The following XYLT1 variants were observed in gnomAD, a reference collection of about 807,000 sequenced individuals.
The protein encoded by XYLT1 is xylosyltransferase 1.
In XYLT1, 36 loss-of-function variants were observed where a neutral mutation model predicts 91.3. The observed-to-expected ratio is 0.39, with a 90% CI of 0.30 to 0.52. The LOEUF (loss-of-function observed/expected upper bound fraction) is 0.52. XYLT1 is among the 20% of genes least tolerant of loss of function. The probability of loss-of-function intolerance (pLI) is 0.68; values close to 1 mark genes in which losing one functional copy is unlikely to be tolerated. For missense variants in XYLT1, 1,242 were observed against 1,284.5 expected (o/e 0.97, Z 0.51); for synonymous variants, 588 against 532.0 (o/e 1.11, Z -1.45).
intron 1 of XYLT1, among the ~76,000 whole-genome samples, chr16:17,363,414 G>C (rs2035409150): frequency 6.6e-6 from 1 of 152,182 alleles, no homozygotes; most frequent in Admixed American, 6.5e-5. Flanking sequence ...CAAGGTCAAG[G>C]TGTCTGCAGG....
At chr16:17,167,845 C>T (rs1054345212) in intron 5 of XYLT1, among the ~76,000 whole-genome samples, 5 of 152,150 alleles carry the variant, frequency 3.3e-5, no homozygotes, top group African/African-American at 7.2e-5. Context: ...CCTTCCATCT[C>T]GTGCATGGAT....
At chr16:17,228,217 G>C (rs1379973891) in intron 3 of XYLT1, among the ~76,000 whole-genome samples, 1 of 152,206 alleles carries the variant, frequency 6.6e-6, no homozygotes, top group Non-Finnish European at 1.5e-5. Context: ...GCTCCTTCCA[G>C]TGGGATTCTT....
chr16:17,294,413 G>C (rs1482273526), intron 2 of XYLT1, among the ~76,000 whole-genome samples: 8 of 152,200 alleles, frequency 5.3e-5, no homozygotes, highest in Non-Finnish European at 2.9e-5. Context: ...AATAAGCAGA[G>C]TGCGCATAAC....
chr16:17,327,754 C>T (rs973897128), intron 2 of XYLT1, among the ~76,000 whole-genome samples: 3 of 151,868 alleles, frequency 2.0e-5, no homozygotes, highest in African/African-American at 7.3e-5. Flanking sequence ...GGCCATTATG[C>T]TTGGATTTCA....
chr16:17,304,686 C>T (rs2034446350), intron 2 of XYLT1, among the ~76,000 whole-genome samples: 1 of 151,972 alleles, frequency 6.6e-6, no homozygotes, highest in South Asian at 2.1e-4. Context: ...TCATGGGAAC[C>T]AAACAGGCTC....
At chr16:17,175,302 C>T (rs916265563) in intron 5 of XYLT1, among the ~76,000 whole-genome samples, 5 of 152,222 alleles carry the variant, frequency 3.3e-5, no homozygotes, top group Middle Eastern at 3.4e-3. Flanking sequence ...ACTTGGGCAA[C>T]GTGTCTAATA....
intron 10 of XYLT1, among the ~76,000 whole-genome samples, chr16:17,118,840 C>T (rs2029949039): frequency 6.6e-6 from 1 of 152,098 alleles, no homozygotes; most frequent in Admixed American, 6.6e-5. Flanking sequence ...TTGTTTTAGC[C>T]ACCTCAATCA....
At chr16:17,192,835 C>T (rs2032349606) in intron 5 of XYLT1, 1 of 107,510 alleles carries the variant, frequency 9.3e-6, no homozygotes. Flanking sequence ...TTTTTTTAGA[C>T]AGCGTCTCAG....
intron 6 of XYLT1, among the ~76,000 whole-genome samples, chr16:17,143,835 TCG>T (rs1379757468): frequency 4.9e-5 from 4 of 81,106 alleles, no homozygotes; most frequent in African/African-American, 2.0e-4. Context: ...ATCACCACCA[TCG>T]TCATCATCAC....
chr16:17,203,655 G>T (rs1252008864), intron 3 of XYLT1, among the ~76,000 whole-genome samples: 1 of 151,662 alleles, frequency 6.6e-6, no homozygotes, highest in African/African-American at 2.4e-5. Context: ...TTCATCCATT[G>T]CTCCACCCAT....
At chr16:17,372,475 A>G (rs2141875751) in intron 1 of XYLT1, among the ~76,000 whole-genome samples, 1 of 152,350 alleles carries the variant, frequency 6.6e-6, no homozygotes, top group African/African-American at 2.4e-5. Context: ...AATGGCAGAC[A>G]GAATACATTA....
intron 2 of XYLT1, among the ~76,000 whole-genome samples, chr16:17,307,093 T>C (rs892487572): frequency 6.6e-6 from 1 of 152,138 alleles, no homozygotes; most frequent in Non-Finnish European, 1.5e-5. Flanking sequence ...TTGTTGTTGT[T>C]GTTGAGACGG....
chr16:17,141,926 C>T (rs1008424714), intron 6 of XYLT1, among the ~76,000 whole-genome samples: 2 of 152,150 alleles, frequency 1.3e-5, no homozygotes, highest in African/African-American at 4.8e-5. Flanking sequence ...TTTTTTGAGA[C>T]AGGGTCGTGT....
At chr16:17,315,926 G>A (rs2034623732) in intron 2 of XYLT1, among the ~76,000 whole-genome samples, 1 of 152,206 alleles carries the variant, frequency 6.6e-6, no homozygotes, top group Non-Finnish European at 1.5e-5. Flanking sequence ...CTTTGACAAA[G>A]GGCCAACGAG....
At position 17,208,210 on chromosome 16, in the gene XYLT1, T is replaced by C. The variant is rs113168757; in HGVS notation, c.914-7556A>G. Among the ~76,000 whole-genome samples, 480 of 88,352 alleles carry C rather than the reference T, an allele frequency of 5.4e-3. 3 individuals carry two copies. The highest frequency in any genetic ancestry group is 0.02 in the African/African-American group (461 of 23,404). The allele number at this position is 88,352 out of a possible 152,430, so 58.0% of individuals were successfully genotyped here. ...TATGCTGTCCAGGCTGGTCTCAAAC[T>C]CCTGGGCTCAAGCAATCCTCCCTTA... On this transcript the variant is annotated intron_variant, in intron 3 of 11. Transcript: ENST00000261381.
At position 17,108,649 on chromosome 16, in the gene XYLT1, G is replaced by T; in HGVS notation, c.*46C>A. 6.6e-7 allele frequency: 1 copy of T among 1,505,102 alleles called. No individual in the cohort carries two copies. The highest frequency in any genetic ancestry group is 1.9e-5 in the Admixed American group (1 of 51,678). The allele number at this position is 1,505,102 out of a possible 1,614,324, so 93.2% of individuals were successfully genotyped here. On this transcript the variant is annotated 3_prime_UTR_variant, in exon 12 of 12. Coordinates refer to ENST00000261381, the MANE Select transcript of XYLT1 (RefSeq NM_022166.4). ...TTCAGGCCCCACAACCCCTCTGGCT[G>T]CTTTCCCGTTGAGATCCTGCTGTGG...
chr16:17,271,668 T>C (rs1396340052), intron 2 of XYLT1, among the ~76,000 whole-genome samples: 1 of 152,150 alleles, frequency 6.6e-6, no homozygotes, highest in Non-Finnish European at 1.5e-5. Context: ...TAGACCCCAG[T>C]CATGTGCCCT....
chr16:17,179,675 TA>T (rs1330904848), intron 5 of XYLT1, among the ~76,000 whole-genome samples: 2 of 152,248 alleles, frequency 1.3e-5, no homozygotes, highest in African/African-American at 4.8e-5. Flanking sequence ...AGGCACTCAA[TA>T]AGTACTTGCC....
At chr16:17,396,219 T>A (rs1479001468) in intron 1 of XYLT1, among the ~76,000 whole-genome samples, 4 of 152,226 alleles carry the variant, frequency 2.6e-5, no homozygotes, top group African/African-American at 4.8e-5. Context: ...CAGTGACTCC[T>A]GGGCACAACC....
Sources: gnomAD v4.1 joint callset for allele counts (sites outside exome capture counted in the v4.1 genomes callset) on GRCh38, gnomAD v4.1.1 for gene constraint, MANE v1.5 for transcripts, NCBI Gene and HGNC (gene_info 2026-07-23, HGNC 2026-07-21) for gene names.